The following DEPTOR variants were observed in gnomAD, a reference collection of about 807,000 sequenced individuals.
DEPTOR encodes DEP domain-containing mTOR-interacting protein.
Under a neutral mutation model 41.6 loss-of-function variants are expected in DEPTOR, and 41 were observed. The observed-to-expected ratio is 0.98, with a 90% CI of 0.77 to 1.28. DEPTOR has a LOEUF of 1.28. DEPTOR is among the 50% of genes most tolerant of loss of function. The pLI is 0.00. For synonymous variants in DEPTOR, 195 were observed against 192.3 expected, an observed-to-expected ratio of 1.01 and a Z score of -0.12; for missense variants, 514 against 527.9, an observed-to-expected ratio of 0.97 and a Z score of 0.26.
intron 8 of DEPTOR, among the ~76,000 whole-genome samples, chr8:120,039,988 C>G (rs553287778): frequency 6.6e-6 from 1 of 152,098 alleles, no homozygotes; most frequent in Non-Finnish European, 1.5e-5. Context: ...GGACTACAGG[C>G]ACATGCCACC....
At chr8:119,988,372 C>T (rs891470644) in intron 4 of DEPTOR, among the ~76,000 whole-genome samples, 6 of 152,286 alleles carry the variant, frequency 3.9e-5, no homozygotes, top group East Asian at 1.9e-4. Context: ...TGAGATGAAC[C>T]GGGTACCTCA....
chr8:119,900,658 G>C (rs1424032610), intron 1 of DEPTOR, among the ~76,000 whole-genome samples: 2 of 151,820 alleles, frequency 1.3e-5, no homozygotes, highest in African/African-American at 4.8e-5. Flanking sequence ...CAAAGTCCTA[G>C]GATTACAGAT....
chr8:119,950,277 C>A (rs1206715524), intron 3 of DEPTOR, among the ~76,000 whole-genome samples: 1 of 152,088 alleles, frequency 6.6e-6, no homozygotes, highest in Non-Finnish European at 1.5e-5. Context: ...CTTCTCTTGT[C>A]TTTTTATACT....
chr8:119,900,468 C>A (rs1827576442), intron 1 of DEPTOR, among the ~76,000 whole-genome samples: 1 of 132,580 alleles, frequency 7.5e-6, no homozygotes, highest in African/African-American at 3.0e-5. Context: ...CTCACTGCAA[C>A]CTTGACCCCC....
intron 1 of DEPTOR, among the ~76,000 whole-genome samples, chr8:119,925,746 T>G (rs900192356): frequency 3.3e-4 from 50 of 152,168 alleles, no homozygotes; most frequent in Non-Finnish European, 8.8e-5. Flanking sequence ...TGCCTCAGCC[T>G]CCTTAGTAGC....
In DEPTOR at chr8:120,049,664, G is replaced by C. The variant is rs200382706; in HGVS notation, c.1190G>C (p.Arg397Pro). 6.2e-7 allele frequency: 1 copy of C among 1,613,798 alleles called. No homozygotes were observed. Among genetic ancestry groups the C allele is most frequent in the Non-Finnish European group, 8.5e-7 (1 of 1,179,900 alleles). ...TVSNLILTGP[R>P]TIVMEVMEEL... ...AGCAATCTGATTCTGACGGGCCCAC[G>C]GACGATTGTCATGGAAGTCATGGAG... is the stretch of plus-strand genomic sequence containing the variant. Residue 397 changes from arginine to proline, a missense_variant, in exon 9 of 9, where the codon CGG (arginine) becomes CCG (proline). Arg to Pro is a moderately radical substitution (Grantham distance 103, BLOSUM62 -2). Coordinates refer to ENST00000286234, the MANE Select transcript of DEPTOR (RefSeq NM_022783.4).
At chr8:119,982,672 C>G (rs569258431) in intron 4 of DEPTOR, among the ~76,000 whole-genome samples, 3 of 152,334 alleles carry the variant, frequency 2.0e-5, no homozygotes, top group African/African-American at 7.2e-5. Context: ...CCCACAAAGG[C>G]GCTGTCCATC....
At chr8:119,934,170 T>G (rs1828080909) in intron 3 of DEPTOR, among the ~76,000 whole-genome samples, 1 of 152,000 alleles carries the variant, frequency 6.6e-6, no homozygotes, top group African/African-American at 2.4e-5. Flanking sequence ...CGTGAGCCAC[T>G]GCGCCCGGCC....
At chr8:119,995,286 G>A (rs1812241540) in intron 4 of DEPTOR, among the ~76,000 whole-genome samples, 1 of 152,084 alleles carries the variant, frequency 6.6e-6, no homozygotes, top group Admixed American at 6.5e-5. Flanking sequence ...TTCATTGTAT[G>A]ATAAATTTTC....
intron 4 of DEPTOR, among the ~76,000 whole-genome samples, chr8:119,990,438 G>C (rs1563584281): frequency 1.3e-5 from 2 of 152,180 alleles, no homozygotes; most frequent in Admixed American, 6.5e-5. Context: ...TTACAGGCGT[G>C]AGCCACCATG....
chr8:120,008,992 C>T lies in DEPTOR; in HGVS notation c.997-37C>T, dbSNP rs148059116. On this transcript the variant is annotated intron_variant, in intron 7 of 8. Transcript: ENST00000286234. ...AGAAGAATAAGCAAATTGCCGGAGA[C>T]AGTCGGCTGCTTGCTAATTGTGGTT... 364 of 1,597,024 alleles carry T rather than the reference C, an allele frequency of 2.3e-4. 3 individuals carry two copies. In the East Asian group the frequency reaches 6.6e-3, roughly 29 times the overall value.
intron 8 of DEPTOR, among the ~76,000 whole-genome samples, chr8:120,040,264 A>G (rs960913348): frequency 1.3e-5 from 2 of 152,150 alleles, no homozygotes; most frequent in South Asian, 4.1e-4. Context: ...GAGCATTTAA[A>G]CTAACTTTTG....
At chr8:119,921,840 A>G (rs1827900147) in intron 1 of DEPTOR, among the ~76,000 whole-genome samples, 1 of 150,396 alleles carries the variant, frequency 6.6e-6, no homozygotes, top group Non-Finnish European at 1.5e-5. Flanking sequence ...GACTCACTGT[A>G]ACCTCTGCCT....
chr8:119,982,567 G>A (rs1275151824), intron 4 of DEPTOR, among the ~76,000 whole-genome samples: 3 of 152,190 alleles, frequency 2.0e-5, no homozygotes, highest in Non-Finnish European at 4.4e-5. Context: ...ACACATAACA[G>A]AAAGTGCAGT....
chr8:119,905,516 T>G (rs1827650397), intron 1 of DEPTOR, among the ~76,000 whole-genome samples: 1 of 152,174 alleles, frequency 6.6e-6, no homozygotes, highest in Non-Finnish European at 1.5e-5. Context: ...TTAGGAAAGT[T>G]GAAATAGTCC....
chr8:120,038,094 CCT>C (rs1247915447), intron 8 of DEPTOR, among the ~76,000 whole-genome samples: 2 of 150,310 alleles, frequency 1.3e-5, no homozygotes, highest in Non-Finnish European at 3.0e-5. Context: ...TGATGCAACC[CCT>C]GTCTCTACTA....
At chr8:120,000,180 G>A in intron 4 of DEPTOR, among the ~76,000 whole-genome samples, 1 of 152,078 alleles carries the variant, frequency 6.6e-6, no homozygotes. Context: ...TCATTAAAGT[G>A]TACAATTGAG....
chr8:119,922,548 G>A (rs1160267354), intron 1 of DEPTOR, among the ~76,000 whole-genome samples: 1 of 152,162 alleles, frequency 6.6e-6, no homozygotes, highest in Admixed American at 6.5e-5. Context: ...CACACCGTAT[G>A]TAAACTTGTT....
At chr8:120,018,595 A>T (rs2130128801) in intron 8 of DEPTOR, among the ~76,000 whole-genome samples, 1 of 152,276 alleles carries the variant, frequency 6.6e-6, no homozygotes, top group South Asian at 2.1e-4. Flanking sequence ...AAAAAAATGT[A>T]GTTCCTTTCC....
Sources: allele counts gnomAD v4.1 joint callset (sites outside exome capture counted in the v4.1 genomes callset), GRCh38; gene constraint gnomAD v4.1.1; transcripts MANE v1.5; gene names NCBI Gene and HGNC (gene_info 2026-07-23, HGNC 2026-07-21).